The following DIAPH3 variants were observed in gnomAD, a reference collection of about 807,000 sequenced individuals.
DIAPH3 encodes the protein protein diaphanous homolog 3.
Under a neutral mutation model 144.3 loss-of-function variants are expected in DIAPH3, and 117 were observed. The observed-to-expected ratio is 0.81, with a 90% CI of 0.70 to 0.95. The LOEUF (loss-of-function observed/expected upper bound fraction) is 0.95, where lower values mean the gene tolerates loss of function less well. DIAPH3 is among the 40% of genes least tolerant of loss of function. The pLI, the probability that DIAPH3 is intolerant of heterozygous loss-of-function variation, is 0.00. For missense variants in DIAPH3, 1,421 were observed against 1,412.7 expected (o/e 1.01, Z -0.09); for synonymous variants, 519 against 488.9 (o/e 1.06, Z -0.81).
rs551881761 is a variant in DIAPH3, at chr13:59,994,598, G to A, written c.1015-2015C>T. ...TATGTTTGGTAAATAATGGGAATAT[G>A]GAGATGCTAAATGAGAACTAAGACA... On this transcript the variant is annotated intron_variant, in intron 9 of 27. Transcript: ENST00000400324. Among the ~76,000 whole-genome samples the A allele has an allele frequency of 1.4e-4, 21 of 152,002 alleles. 2 individuals are homozygous for A. In the South Asian group the frequency reaches 4.4e-3, roughly 32 times the overall value.
intron 12 of DIAPH3, among the ~76,000 whole-genome samples, chr13:59,988,427 T>C (rs1183110921): frequency 6.6e-6 from 1 of 151,934 alleles, no homozygotes; most frequent in African/African-American, 2.4e-5. Flanking sequence ...AGCTATTTCA[T>C]GTCATCTTTT....
intron 9 of DIAPH3, among the ~76,000 whole-genome samples, chr13:60,005,000 C>A (rs1302281774): frequency 1.3e-5 from 2 of 152,188 alleles, no homozygotes; most frequent in Non-Finnish European, 2.9e-5. Context: ...CTCCTCCCTA[C>A]CTCTATTCAC....
chr13:60,070,688 T>C (rs1198220317), intron 4 of DIAPH3, among the ~76,000 whole-genome samples: 1 of 152,142 alleles, frequency 6.6e-6, no homozygotes, highest in Non-Finnish European at 1.5e-5. Flanking sequence ...TAGGCTTCTG[T>C]CACTGACAAC....
intron 27 of DIAPH3, among the ~76,000 whole-genome samples, chr13:59,740,855 A>C (rs2036405555): frequency 6.6e-6 from 1 of 152,204 alleles, no homozygotes; most frequent in Non-Finnish European, 1.5e-5. Flanking sequence ...ATAAGAAGAG[A>C]TGAACAAAGA....
At chr13:59,784,232 G>A (rs549310093) in intron 25 of DIAPH3, among the ~76,000 whole-genome samples, 8 of 151,728 alleles carry the variant, frequency 5.3e-5, no homozygotes, top group South Asian at 2.1e-4. Context: ...ACAGGTGCAC[G>A]CCACCACACC....
intron 24 of DIAPH3, among the ~76,000 whole-genome samples, chr13:59,829,746 G>C (rs911874500): frequency 2.0e-5 from 3 of 151,860 alleles, no homozygotes; most frequent in Non-Finnish European, 4.4e-5. Context: ...AGAGGGATGA[G>C]TATGATAATT....
chr13:59,713,833 T>G (rs1460525596), intron 27 of DIAPH3, among the ~76,000 whole-genome samples: 1 of 152,188 alleles, frequency 6.6e-6, no homozygotes, highest in Non-Finnish European at 1.5e-5. Flanking sequence ...CATAGCTGTG[T>G]GTGGATGTGA....
At chr13:60,151,673 GAA>G (rs1951794039) in intron 1 of DIAPH3, among the ~76,000 whole-genome samples, 1 of 152,122 alleles carries the variant, frequency 6.6e-6, no homozygotes, top group Admixed American at 6.5e-5. Context: ...GCACCACACA[GAA>G]AGTGACTTCC....
chr13:59,753,860 CTCAAAGAGA>C (rs754962519), intron 27 of DIAPH3, among the ~76,000 whole-genome samples: 6 of 152,108 alleles, frequency 3.9e-5, no homozygotes, highest in African/African-American at 9.7e-5. Flanking sequence ...CTTTTATGGG[CTCAAAGAGA>C]TCACCCTTGA....
intron 27 of DIAPH3, among the ~76,000 whole-genome samples, chr13:59,723,706 G>A (rs1268593035): frequency 6.6e-6 from 1 of 151,860 alleles, no homozygotes; most frequent in Non-Finnish European, 1.5e-5. Context: ...CGCCTCCTGG[G>A]TTCAAGCAAT....
At chr13:60,063,866 T>G (rs1002294887) in intron 4 of DIAPH3, among the ~76,000 whole-genome samples, 1 of 151,666 alleles carries the variant, frequency 6.6e-6, no homozygotes, top group Non-Finnish European at 1.5e-5. Flanking sequence ...GAGGCGGAGG[T>G]TGCAGTGAGC....
intron 24 of DIAPH3, among the ~76,000 whole-genome samples, chr13:59,823,655 T>G (rs369438133): frequency 4.2e-4 from 64 of 152,126 alleles, no homozygotes; most frequent in African/African-American, 1.5e-3. Flanking sequence ...TCTACAAGAT[T>G]TAGGAGCACA....
chr13:60,095,213 C>A (rs1296054315), intron 3 of DIAPH3, among the ~76,000 whole-genome samples: 4 of 152,082 alleles, frequency 2.6e-5, no homozygotes, highest in East Asian at 1.9e-4. Context: ...GGAACTGTTG[C>A]AGGACAGGTG....
At chr13:59,968,692 G>C (rs1343392205) in intron 17 of DIAPH3, among the ~76,000 whole-genome samples, 2 of 152,240 alleles carry the variant, frequency 1.3e-5, no homozygotes, top group East Asian at 3.9e-4. Flanking sequence ...TTTGGAGAGA[G>C]TTTCTAATTT....
intron 27 of DIAPH3, among the ~76,000 whole-genome samples, chr13:59,760,653 G>A (rs1021120392): frequency 2.0e-5 from 3 of 152,126 alleles, no homozygotes; most frequent in Non-Finnish European, 1.5e-5. Flanking sequence ...AATGGAGGAA[G>A]GTATGCAAAT....
At chr13:59,922,264 A>G (rs2047557268) in intron 18 of DIAPH3, among the ~76,000 whole-genome samples, 2 of 152,202 alleles carry the variant, frequency 1.3e-5, no homozygotes, top group Non-Finnish European at 2.9e-5. Flanking sequence ...ACTTGCTTGC[A>G]GAAAACAACC....
intron 1 of DIAPH3, among the ~76,000 whole-genome samples, chr13:60,152,762 T>C (rs904890012): frequency 2.0e-5 from 3 of 152,056 alleles, no homozygotes; most frequent in Non-Finnish European, 4.4e-5. Context: ...AAGTTTCTTA[T>C]TTAACCAAAA....
chr13:59,797,952 T>C (rs1189892465), intron 25 of DIAPH3, among the ~76,000 whole-genome samples: 1 of 152,172 alleles, frequency 6.6e-6, no homozygotes, highest in African/African-American at 2.4e-5. Flanking sequence ...TCTTACCCTA[T>C]GCCAGGCCCA....
intron 25 of DIAPH3, among the ~76,000 whole-genome samples, chr13:59,793,584 T>C (rs1167486910): frequency 6.6e-6 from 1 of 152,238 alleles, no homozygotes. Context: ...CCAGACTTTC[T>C]TGGTCTTCCT....
Sources: gnomAD v4.1 joint callset for allele counts (sites outside exome capture counted in the v4.1 genomes callset) on GRCh38, gnomAD v4.1.1 for gene constraint, MANE v1.5 for transcripts, NCBI Gene and HGNC (gene_info 2026-07-23, HGNC 2026-07-21) for gene names.